Variants in CDYL2 observed in about 807,000 individuals in gnomAD.
The protein encoded by CDYL2 is chromodomain Y-like protein 2.
CDYL2 carries 23 observed loss-of-function variants against 49.4 expected under a neutral mutation model. That is an observed-to-expected ratio of 0.47 (90% CI 0.34 to 0.66). The LOEUF (loss-of-function observed/expected upper bound fraction) is 0.66. Ranked by LOEUF, CDYL2 falls within the 30% of genes least tolerant of loss-of-function variation. CDYL2 has a pLI of 0.01. For synonymous variants in CDYL2, 360 were observed against 268.8 expected (o/e 1.34, Z -3.32); for missense variants, 678 against 656.4 (o/e 1.03, Z -0.36).
intron 1 of CDYL2, among the ~76,000 whole-genome samples, chr16:80,698,994 C>CA (rs1466265681): frequency 1.4e-4 from 21 of 151,546 alleles, no homozygotes; most frequent in African/African-American, 5.1e-4. Context: ...TGGCTATTAT[C>CA]AAAAAAACAA....
chr16:80,626,996 C>T (rs772717149), intron 3 of CDYL2, among the ~76,000 whole-genome samples: 43 of 152,116 alleles, frequency 2.8e-4, no homozygotes, highest in African/African-American at 6.0e-4. Context: ...AAATCTCATG[C>T]TAACCATCCT....
chr16:80,673,234 C>T (rs773734939), intron 2 of CDYL2, among the ~76,000 whole-genome samples: 5 of 152,048 alleles, frequency 3.3e-5, no homozygotes, highest in Non-Finnish European at 7.4e-5. Flanking sequence ...GCAGGAGAAT[C>T]GTTTGGACCC....
rs189303868 is a variant in CDYL2, at chr16:80,800,419, C to T, written c.24+3731G>A. Among the ~76,000 whole-genome samples the T allele has an allele frequency of 2.6e-5, 4 of 152,254 alleles. No individual in the cohort carries two copies. The East Asian group carries it at 5.8e-4, about 22-fold the overall frequency. ...CCAACTTGCAAAAAAAGTTCCACAG[C>T]TCTTTAGCGGTCTGCCTCAATCCTG... On this transcript the variant is annotated intron_variant, in intron 1 of 6. Transcript: ENST00000570137.
chr16:80,710,197 G>A (rs1250323495), intron 1 of CDYL2, among the ~76,000 whole-genome samples: 1 of 152,144 alleles, frequency 6.6e-6, no homozygotes, highest in Non-Finnish European at 1.5e-5. Flanking sequence ...AAAGCACTGG[G>A]ATTACAGGTG....
intron 2 of CDYL2, among the ~76,000 whole-genome samples, chr16:80,682,215 C>T (rs1909994489): frequency 6.6e-6 from 1 of 152,108 alleles, no homozygotes; most frequent in Non-Finnish European, 1.5e-5. Flanking sequence ...CCTTTTGAAA[C>T]AGACAAAACA....
At chr16:80,756,910 A>G (rs1906330282) in intron 1 of CDYL2, among the ~76,000 whole-genome samples, 1 of 152,102 alleles carries the variant, frequency 6.6e-6, no homozygotes. Flanking sequence ...GCATCTGATA[A>G]GTCATTTCCT....
intron 1 of CDYL2, among the ~76,000 whole-genome samples, chr16:80,754,724 G>A (rs942588155): frequency 6.6e-6 from 1 of 152,174 alleles, no homozygotes; most frequent in African/African-American, 2.4e-5. Flanking sequence ...TAGCACACCT[G>A]GCATAGAGCA....
At chr16:80,736,451 A>G (rs1905535175) in intron 1 of CDYL2, 1 of 152,248 alleles carries the variant, frequency 6.6e-6, no homozygotes, top group South Asian at 2.1e-4. Flanking sequence ...ACAGTGAGCA[A>G]GAGAGGTACA....
intron 1 of CDYL2, among the ~76,000 whole-genome samples, chr16:80,758,165 A>G: frequency 6.6e-6 from 1 of 152,216 alleles, no homozygotes; most frequent in Non-Finnish European, 1.5e-5. Context: ...AATGGGAAGT[A>G]AATGGATTAG....
rs566236284 is a variant in CDYL2, at chr16:80,633,205, C to A, written c.648G>T (p.Leu216=). 1 of 1,614,092 alleles carries A rather than the reference C, an allele frequency of 6.2e-7. No homozygotes were observed. The highest frequency in any genetic ancestry group is 1.1e-5 in the South Asian group (1 of 91,092). Residue 216 remains leucine (L), a synonymous_variant, in exon 3 of 7, where the codon CTG becomes CTT. Coordinates refer to ENST00000570137, the MANE Select transcript of CDYL2 (RefSeq NM_152342.4). ...CCAGCTTCCTCTTCACTGGACTGTG[C>A]AGGTTCAATCCCCCGTTGGTCAGAG... ...GSALTNGGLN[L]HSPVKRKLEA... is the part of the protein sequence containing the mutation.
At chr16:80,686,222 T>C (rs1044713069) in intron 1 of CDYL2, among the ~76,000 whole-genome samples, 3 of 152,178 alleles carry the variant, frequency 2.0e-5, no homozygotes, top group African/African-American at 7.2e-5. Context: ...CGTGGAAAAA[T>C]ACACTCGGAA....
intron 1 of CDYL2, among the ~76,000 whole-genome samples, chr16:80,723,556 T>C (rs986973223): frequency 3.3e-5 from 5 of 152,162 alleles, no homozygotes; most frequent in African/African-American, 4.8e-5. Flanking sequence ...AGCACACTGA[T>C]CTTATCCCAA....
At chr16:80,801,348 T>C (rs1427584775) in intron 1 of CDYL2, among the ~76,000 whole-genome samples, 2 of 152,250 alleles carry the variant, frequency 1.3e-5, no homozygotes, top group African/African-American at 2.4e-5. Flanking sequence ...AAGAGTGCTA[T>C]TACATAAACA....
Position 80,677,169 on chromosome 16 carries a change from G to A in CDYL2, c.616+7369C>T, listed in dbSNP as rs370531139. ...TATTTTTTTGGAGAGACAGGGTTTC[G>A]CCATGTTGCCCAGGCTGGTCTTGAA... is the stretch of plus-strand genomic sequence containing the variant. On this transcript the variant is annotated intron_variant, in intron 2 of 6. Transcript: ENST00000570137. 7.3e-5 allele frequency among the ~76,000 whole-genome samples: 11 copies of A among 151,288 alleles called. No homozygotes were observed. The East Asian group carries it at 1.2e-3, about 16-fold the overall frequency.
chr16:80,742,731 T>C (rs1441711068), intron 1 of CDYL2, among the ~76,000 whole-genome samples: 1 of 149,088 alleles, frequency 6.7e-6, no homozygotes, highest in African/African-American at 2.5e-5. Flanking sequence ...GGTGACAGGG[T>C]AGGTGGGTGA....
At chr16:80,726,340 T>A (rs1045283975) in intron 1 of CDYL2, among the ~76,000 whole-genome samples, 5 of 152,236 alleles carry the variant, frequency 3.3e-5, no homozygotes, top group Admixed American at 1.3e-4. Context: ...ACAAAGACAC[T>A]GATTTTGGCA....
chr16:80,724,587 G>A (rs1024508269), intron 1 of CDYL2, among the ~76,000 whole-genome samples: 29 of 152,154 alleles, frequency 1.9e-4, no homozygotes, highest in African/African-American at 6.8e-4. Context: ...TCATGACCTG[G>A]CATGAACTAT....
chr16:80,787,307 G>C (rs1907469586), intron 1 of CDYL2, among the ~76,000 whole-genome samples: 1 of 152,166 alleles, frequency 6.6e-6, no homozygotes, highest in South Asian at 2.1e-4. Context: ...TCCTCAGGTA[G>C]AAACTACACA....
intron 1 of CDYL2, among the ~76,000 whole-genome samples, chr16:80,727,882 G>A (rs965425640): frequency 3.3e-5 from 5 of 152,184 alleles, no homozygotes; most frequent in Admixed American, 6.5e-5. Flanking sequence ...ACTTGCAGCT[G>A]AGGGTCCTGT....
Sources: allele counts gnomAD v4.1 joint callset (sites outside exome capture counted in the v4.1 genomes callset), GRCh38; gene constraint gnomAD v4.1.1; transcripts MANE v1.5; gene names NCBI Gene and HGNC (gene_info 2026-07-23, HGNC 2026-07-21).